RTF1: variants seen among roughly 807,000 people sequenced by gnomAD.
The protein encoded by RTF1 is RTF1 homolog, Paf1/RNA polymerase II complex component.
RTF1 carries 10 observed loss-of-function variants against 95.7 expected under a neutral mutation model. That is an observed-to-expected ratio of 0.10 (90% confidence interval 0.06 to 0.18). The LOEUF (loss-of-function observed/expected upper bound fraction) is 0.18. RTF1 is among the 10% of genes least tolerant of loss of function. The pLI is 1.00. For missense variants in RTF1, 458 were observed against 875.6 expected (o/e 0.52, Z 6.02); for synonymous variants, 305 against 311.8 (o/e 0.98, Z 0.23).
At chr15:41,438,856 GTC>G (rs922858634) in intron 2 of RTF1, among the ~76,000 whole-genome samples, 3 of 149,786 alleles carry the variant, frequency 2.0e-5, no homozygotes, top group African/African-American at 7.4e-5. Flanking sequence ...GCAAGACTCT[GTC>G]TCAAAAAAAA....
chr15:41,455,760 G>C (rs1595434274), intron 3 of RTF1, among the ~76,000 whole-genome samples: 1 of 151,342 alleles, frequency 6.6e-6, no homozygotes, highest in Middle Eastern at 3.4e-3. Context: ...TCAGGCAATA[G>C]AGTGAGACTC....
intron 6 of RTF1, among the ~76,000 whole-genome samples, chr15:41,469,116 G>C (rs2050896481): frequency 6.6e-6 from 1 of 150,776 alleles, no homozygotes; most frequent in African/African-American, 2.5e-5. Flanking sequence ...CTACATGCGT[G>C]CACCACCACC....
chr15:41,426,830 T>TTTTG lies in RTF1; in HGVS notation c.198+9541_198+9544dup, dbSNP rs528689623. 2.6e-3 allele frequency among the ~76,000 whole-genome samples: 361 copies of TTTTG among 140,136 alleles called. 1 individual carries two copies. The highest frequency in any genetic ancestry group is 8.3e-3 in the South Asian group (36 of 4,354). The allele number at this position is 140,136 out of a possible 152,430, so 91.9% of individuals were successfully genotyped here. On this transcript the variant is annotated intron_variant, in intron 1 of 17. Coordinates refer to ENST00000389629, the MANE Select transcript of RTF1 (RefSeq NM_015138.5). ...GTGTGTGTGTGTGTGTGTGTGTAAT[T>TTTTG]TTTGTTTGTTTGTTTGTTTGTTTGT...
intron 1 of RTF1, among the ~76,000 whole-genome samples, chr15:41,430,201 C>T (rs1345775432): frequency 7.7e-6 from 1 of 130,078 alleles, no homozygotes; most frequent in Non-Finnish European, 1.6e-5. Flanking sequence ...TTTTTTGAGA[C>T]AGAGTCTCGC....
At chr15:41,468,186 T>TCTCGGCTC (rs1566847278) in intron 6 of RTF1, among the ~76,000 whole-genome samples, 2 of 151,676 alleles carry the variant, frequency 1.3e-5, no homozygotes, top group Admixed American at 6.6e-5. Flanking sequence ...GAAAAAGAAA[T>TCTCGGCTC]AATAACGTGT....
chr15:41,471,311 A>G lies in RTF1; in HGVS notation c.1165A>G (p.Ile389Val), dbSNP rs1478834413. 1 of 1,613,348 alleles carries G rather than the reference A, an allele frequency of 6.2e-7. No homozygotes were observed. Among genetic ancestry groups the G allele is most frequent in the Non-Finnish European group, 8.5e-7 (1 of 1,179,830 alleles). The change falls in exon 8 of 18, where the codon ATT becomes GTT. Residue 389 changes from isoleucine to valine, a missense_variant. By Grantham distance (29) the Ile-to-Val change is conservative (BLOSUM62 3). Transcript: ENST00000389629. ...AKTVTGCFVR[I>V]GIGNHNSKPV... Reference sequence around the variant, plus strand: ...AACTGTCACAGGATGTTTTGTGCGGATTGGCATCGGAAACCACAACAGCAA... The same window carrying G: ...AACTGTCACAGGATGTTTTGTGCGGGTTGGCATCGGAAACCACAACAGCAA...
chr15:41,471,635 T>G (rs2050912123), intron 8 of RTF1, among the ~76,000 whole-genome samples: 1 of 152,190 alleles, frequency 6.6e-6, no homozygotes, highest in Admixed American at 6.6e-5. Flanking sequence ...GAAGTGTTCA[T>G]TGGGAGTTAC....
intron 1 of RTF1, among the ~76,000 whole-genome samples, chr15:41,430,474 T>A (rs1463852148): frequency 6.6e-6 from 1 of 152,106 alleles, no homozygotes; most frequent in East Asian, 1.9e-4. Flanking sequence ...GCATCGTGGC[T>A]CACACCTGTA....
At chr15:41,476,608 TG>T in intron 12 of RTF1, 85 bp downstream of exon 12, 1 of 1,263,304 alleles carries the variant, frequency 7.9e-7, no homozygotes, top group Non-Finnish European at 1.2e-6. Flanking sequence ...AAGTTAGTGG[TG>T]GTAGGATTGG....
chr15:41,478,977 A>AC (rs2140658341), intron 15 of RTF1, 126 bp from the exon 16 acceptor site: 1 of 637,760 alleles, frequency 1.6e-6, no homozygotes. Flanking sequence ...TTTGAGGAAA[A>AC]CCCCACTAGC....
At chr15:41,449,333 C>A (rs1406438622) in intron 2 of RTF1, among the ~76,000 whole-genome samples, 2 of 150,538 alleles carry the variant, frequency 1.3e-5, no homozygotes, top group South Asian at 2.1e-4. Flanking sequence ...CGGGTTCACA[C>A]CACTGTCCTG....
intron 2 of RTF1, among the ~76,000 whole-genome samples, chr15:41,438,995 A>G (rs959944160): frequency 4.1e-5 from 6 of 146,024 alleles, no homozygotes; most frequent in African/African-American, 1.3e-4. Flanking sequence ...GCCTTATTGC[A>G]GAAGTGGTAC....
At chr15:41,445,237 A>G (rs2050755075) in intron 2 of RTF1, among the ~76,000 whole-genome samples, 1 of 152,158 alleles carries the variant, frequency 6.6e-6, no homozygotes. Context: ...GCCCGGCCTC[A>G]TGAGCTTTAT....
At chr15:41,441,651 A>T (rs1252453802) in intron 2 of RTF1, among the ~76,000 whole-genome samples, 1 of 152,166 alleles carries the variant, frequency 6.6e-6, no homozygotes, top group East Asian at 1.9e-4. Context: ...GAAGTAAAAA[A>T]CTGCTCATCT....
chr15:41,429,291 T>G (rs1245881391), intron 1 of RTF1, among the ~76,000 whole-genome samples: 1 of 152,186 alleles, frequency 6.6e-6, no homozygotes, highest in African/African-American at 2.4e-5. Context: ...GAATTACTCT[T>G]TTTTCCTCGT....
intron 5 of RTF1, among the ~76,000 whole-genome samples, 198 bp downstream of exon 5, chr15:41,465,083 G>GCTTTCCTTTTTCCTTTT (rs1183086334): frequency 6.6e-6 from 1 of 151,762 alleles, no homozygotes; most frequent in Admixed American, 6.6e-5. Context: ...TTTTTCCTTT[G>GCTTTCCTTTTTCCTTTT]CTTTCCTTTT....
chr15:41,451,177 G>C (rs1224007183), intron 2 of RTF1, among the ~76,000 whole-genome samples: 1 of 151,972 alleles, frequency 6.6e-6, no homozygotes, highest in Non-Finnish European at 1.5e-5. Context: ...TCCTATTATA[G>C]AAGGAACAAA....
chr15:41,451,946 C>T (rs758184018), intron 2 of RTF1, among the ~76,000 whole-genome samples: 6 of 151,850 alleles, frequency 4.0e-5, no homozygotes, highest in Non-Finnish European at 7.4e-5. Context: ...ACCTGTAGTT[C>T]CAGCTACTTA....
At chr15:41,455,183 G>T (rs1230690312) in intron 3 of RTF1, among the ~76,000 whole-genome samples, 4 of 151,954 alleles carry the variant, frequency 2.6e-5, no homozygotes, top group Non-Finnish European at 5.9e-5. Flanking sequence ...GCATGGTGGT[G>T]CCTACCTGTA....
Sources: gnomAD v4.1 joint callset for allele counts (sites outside exome capture counted in the v4.1 genomes callset) on GRCh38, gnomAD v4.1.1 for gene constraint, MANE v1.5 for transcripts, NCBI Gene and HGNC (gene_info 2026-07-23, HGNC 2026-07-21) for gene names.